LRRC7: variants seen among roughly 807,000 people sequenced by gnomAD.
LRRC7 encodes the protein leucine rich repeat containing 7.
LRRC7 carries 23 observed loss-of-function variants against 175.7 expected under a neutral mutation model. The observed-to-expected ratio is 0.13, with a 90% CI of 0.09 to 0.19. LRRC7 has a LOEUF of 0.19. Ranked by LOEUF, LRRC7 falls within the 10% of genes least tolerant of loss-of-function variation. The pLI is 1.00. For synonymous variants in LRRC7, 685 were observed against 680.9 expected, an observed-to-expected ratio of 1.01 and a Z score of -0.09; for missense variants, 1,354 against 1,904.7, an observed-to-expected ratio of 0.71 and a Z score of 5.38.
chr1:69,855,336 C>T (rs1683474293), intron 7 of LRRC7, among the ~76,000 whole-genome samples: 1 of 152,130 alleles, frequency 6.6e-6, no homozygotes, highest in South Asian at 2.1e-4. Flanking sequence ...TCTTTGTTCT[C>T]ATTGGTTTCA....
chr1:70,047,205 G>T (rs543832665), intron 22 of LRRC7, among the ~76,000 whole-genome samples: 1 of 152,072 alleles, frequency 6.6e-6, no homozygotes, highest in Non-Finnish European at 1.5e-5. Flanking sequence ...TGGAAATTCT[G>T]AAGCTGTCTC....
intron 3 of LRRC7, among the ~76,000 whole-genome samples, chr1:69,769,547 T>G (rs1671992323): frequency 6.6e-6 from 1 of 152,150 alleles, no homozygotes; most frequent in Admixed American, 6.6e-5. Flanking sequence ...GTTATGTGTA[T>G]AAAGTGTATA....
At chr1:69,580,928 T>G (rs991640125) in intron 1 of LRRC7, among the ~76,000 whole-genome samples, 8 of 152,158 alleles carry the variant, frequency 5.3e-5, no homozygotes, top group African/African-American at 1.9e-4. Flanking sequence ...AAATAAAACC[T>G]CTAAGATGAT....
At chr1:69,925,676 T>A (rs536885361) in intron 7 of LRRC7, among the ~76,000 whole-genome samples, 55 of 152,336 alleles carry the variant, frequency 3.6e-4, no homozygotes, top group African/African-American at 1.3e-3. Context: ...TGCGTCTATT[T>A]GATTCTTCTC....
chr1:69,938,857 A>T (rs1023008), intron 8 of LRRC7, among the ~76,000 whole-genome samples: 83,726 of 150,936 alleles, frequency 0.55, 23,302 homozygotes, highest in East Asian at 0.7. Flanking sequence ...CAAGTTGTAC[A>T]CACTTTTTAA....
intron 23 of LRRC7, among the ~76,000 whole-genome samples, chr1:70,058,063 G>A (rs1250196033): frequency 6.7e-6 from 1 of 149,756 alleles, no homozygotes; most frequent in East Asian, 2.0e-4. Context: ...AGGCTGGAGT[G>A]CAATGGTGTG....
intron 26 of LRRC7, among the ~76,000 whole-genome samples, chr1:70,111,122 G>A (rs1665499266): frequency 6.6e-6 from 1 of 152,088 alleles, no homozygotes; most frequent in African/African-American, 2.4e-5. Context: ...TAACCCAATA[G>A]CAAATAGCAA....
intron 1 of LRRC7, among the ~76,000 whole-genome samples, chr1:69,635,533 A>G (rs1408610002): frequency 6.6e-6 from 1 of 152,110 alleles, no homozygotes; most frequent in Non-Finnish European, 1.5e-5. Flanking sequence ...CAAACTTTGT[A>G]TTTTTGACAA....
At chr1:69,816,376 A>T (rs1678604537) in intron 4 of LRRC7, among the ~76,000 whole-genome samples, 1 of 152,152 alleles carries the variant, frequency 6.6e-6, no homozygotes, top group Non-Finnish European at 1.5e-5. Flanking sequence ...AAAACGTATC[A>T]CCTTGGGTGT....
At chr1:69,749,564 T>C (rs1669605909) in intron 2 of LRRC7, among the ~76,000 whole-genome samples, 1 of 152,192 alleles carries the variant, frequency 6.6e-6, no homozygotes, top group Non-Finnish European at 1.5e-5. Flanking sequence ...AAAGTTCCAA[T>C]TCTCAGGTTT....
intron 8 of LRRC7, among the ~76,000 whole-genome samples, chr1:69,971,337 C>T (rs1218381408): frequency 2.6e-5 from 4 of 152,022 alleles, no homozygotes; most frequent in Non-Finnish European, 5.9e-5. Flanking sequence ...GTCAAACTGT[C>T]GCTGCTCTCT....
chr1:69,882,461 G>C (rs1463017461), intron 7 of LRRC7, among the ~76,000 whole-genome samples: 1 of 152,120 alleles, frequency 6.6e-6, no homozygotes, highest in East Asian at 1.9e-4. Flanking sequence ...CAACGTAAAT[G>C]CCTATTGACT....
intron 5 of LRRC7, among the ~76,000 whole-genome samples, chr1:69,831,235 G>A (rs1680495906): frequency 6.6e-6 from 1 of 151,838 alleles, no homozygotes; most frequent in Non-Finnish European, 1.5e-5. Context: ...GTATCATATT[G>A]ATCATCTTTT....
At chr1:69,629,513 C>A (rs1238247325) in intron 1 of LRRC7, among the ~76,000 whole-genome samples, 6 of 152,114 alleles carry the variant, frequency 3.9e-5, no homozygotes, top group African/African-American at 1.4e-4. Context: ...CTGCAACCTG[C>A]ACGTCTCCAA....
chr1:69,963,732 G>A (rs989708202), intron 8 of LRRC7, among the ~76,000 whole-genome samples: 1 of 152,158 alleles, frequency 6.6e-6, no homozygotes, highest in Non-Finnish European at 1.5e-5. Context: ...AGTCACCAAA[G>A]TTTGCGGTAT....
At chr1:69,702,342 C>A (rs770349257) in intron 2 of LRRC7, among the ~76,000 whole-genome samples, 9 of 152,194 alleles carry the variant, frequency 5.9e-5, no homozygotes, top group Admixed American at 1.3e-4. Context: ...CACAGCACTG[C>A]AGATGACAGT....
At position 70,141,695 on chromosome 1, in the gene LRRC7, A is replaced by G. The variant is rs1219078750; in HGVS notation, c.*19808A>G. The G allele has an allele frequency of 6.6e-6, 1 of 152,132 alleles. No individual in the cohort carries two copies. Among genetic ancestry groups the G allele is most frequent in the Non-Finnish European group, 1.5e-5 (1 of 67,988 alleles). 9.4% of individuals were successfully genotyped at this position (152,132 alleles called of 1,614,324 possible). A position where few individuals can be genotyped will look rare whatever the true frequency, so the allele number is the denominator to read the frequency against. Reference sequence around the variant, plus strand: ...AATATGTGATACTTAAGTACACTGAAGTTTTAAAGTTAGCTGCTTATATTG... The same window carrying G: ...AATATGTGATACTTAAGTACACTGAGGTTTTAAAGTTAGCTGCTTATATTG... On this transcript the variant is annotated 3_prime_UTR_variant, in exon 27 of 27. Coordinates refer to ENST00000651989, the MANE Select transcript of LRRC7 (RefSeq NM_001370785.2).
chr1:69,753,394 G>T (rs1417550927), intron 2 of LRRC7, among the ~76,000 whole-genome samples: 1 of 151,194 alleles, frequency 6.6e-6, no homozygotes, highest in Non-Finnish European at 1.5e-5. Flanking sequence ...TGCTATCAAG[G>T]TAATGCAGAG....
intron 2 of LRRC7, among the ~76,000 whole-genome samples, chr1:69,758,113 C>A (rs1670635784): frequency 6.6e-6 from 1 of 151,944 alleles, no homozygotes; most frequent in Non-Finnish European, 1.5e-5. Context: ...ATGTTAGACA[C>A]TTATGAGGGT....
Sources: gnomAD v4.1 joint callset for allele counts (sites outside exome capture counted in the v4.1 genomes callset) on GRCh38, gnomAD v4.1.1 for gene constraint, MANE v1.5 for transcripts, NCBI Gene and HGNC (gene_info 2026-07-23, HGNC 2026-07-21) for gene names.